Variants in WDR72 observed in about 807,000 individuals in gnomAD.
The protein encoded by WDR72 is WD repeat-containing protein 72.
A neutral mutation model predicts 124.2 loss-of-function variants in WDR72; 120 were observed. The ratio of observed to expected loss-of-function variants is 0.97; its 90% CI spans 0.83 to 1.12. The LOEUF (loss-of-function observed/expected upper bound fraction) is 1.12. Among genes scored for constraint, WDR72 ranks in the 50% most tolerant of loss-of-function variants. The pLI is 0.00. For missense variants in WDR72, 1,387 were observed against 1,278.8 expected, an observed-to-expected ratio of 1.08 and a Z score of -1.29; for synonymous variants, 452 against 441.7, an observed-to-expected ratio of 1.02 and a Z score of -0.29.
chr15:53,665,013 T>C (rs1366863675), intron 14 of WDR72, among the ~76,000 whole-genome samples: 1 of 152,154 alleles, frequency 6.6e-6, no homozygotes, highest in Non-Finnish European at 1.5e-5. Context: ...TACTATATCA[T>C]ATTTAGAAGT....
At chr15:53,533,375 C>T (rs1037376734) in intron 18 of WDR72, among the ~76,000 whole-genome samples, 1 of 50,346 alleles carries the variant, frequency 2.0e-5, no homozygotes, top group African/African-American at 4.0e-5. Flanking sequence ...ATTCCTTCAA[C>T]CCATTAAGAT....
intron 18 of WDR72, among the ~76,000 whole-genome samples, chr15:53,596,188 T>A (rs2140338198): frequency 6.6e-6 from 1 of 152,284 alleles, no homozygotes; most frequent in South Asian, 2.1e-4. Flanking sequence ...TTTAACCACC[T>A]GTAATATGTA....
chr15:53,556,384 T>C (rs1566958942), intron 18 of WDR72, among the ~76,000 whole-genome samples: 1 of 152,128 alleles, frequency 6.6e-6, no homozygotes, highest in Non-Finnish European at 1.5e-5. Flanking sequence ...AGTCACTTTT[T>C]CCCTAATCTA....
intron 1 of WDR72, among the ~76,000 whole-genome samples, chr15:53,755,057 G>T (rs1219049365): frequency 6.6e-6 from 1 of 152,132 alleles, no homozygotes; most frequent in Non-Finnish European, 1.5e-5. Context: ...GAAAATAGGA[G>T]CTACTCAGAA....
intron 17 of WDR72, among the ~76,000 whole-genome samples, chr15:53,607,734 G>A (rs546477893): frequency 6.6e-6 from 1 of 152,154 alleles, no homozygotes; most frequent in East Asian, 1.9e-4. Context: ...CACAGAATGA[G>A]AGAAAATATT....
At chr15:53,584,747 C>A (rs1270078344) in intron 18 of WDR72, among the ~76,000 whole-genome samples, 1 of 151,906 alleles carries the variant, frequency 6.6e-6, no homozygotes, top group Non-Finnish European at 1.5e-5. Flanking sequence ...CTTGGAGTAT[C>A]CCCATTCCCA....
At chr15:53,744,342 C>T (rs368348577) in intron 1 of WDR72, among the ~76,000 whole-genome samples, 2 of 152,148 alleles carry the variant, frequency 1.3e-5, no homozygotes, top group African/African-American at 4.8e-5. Flanking sequence ...AATTTAAAGC[C>T]GTAGAGGGCT....
At chr15:53,609,725 C>G in intron 16 of WDR72, 133 bp from the exon 17 acceptor site, 2 of 745,318 alleles carry the variant, frequency 2.7e-6, no homozygotes, top group Non-Finnish European at 4.7e-6. Flanking sequence ...TTCAATCTTC[C>G]AGAGATTTTT....
intron 14 of WDR72, among the ~76,000 whole-genome samples, chr15:53,638,115 T>C (rs1403761466): frequency 2.6e-5 from 4 of 152,106 alleles, no homozygotes; most frequent in African/African-American, 7.2e-5. Context: ...AGGAATGAGG[T>C]GAACAAACAT....
rs34367324 is a variant in WDR72 at position 53,726,264 on chromosome 15, G to GTATATATATATATATATATA, written c.154-3376_154-3357dup. 2.9e-3 allele frequency among the ~76,000 whole-genome samples: 321 copies of GTATATATATATATATATATA among 110,312 alleles called. 5 individuals are homozygous for GTATATATATATATATATATA. Among genetic ancestry groups the GTATATATATATATATATATA allele is most frequent in the African/African-American group, 0.014 (309 of 21,932 alleles). The allele number at this position is 110,312 out of a possible 152,430, so 72.4% of individuals were successfully genotyped here. ...TGTGTGTATATATATATGTATGTGT[G>GTATATATATATATATATATA]TATATATATATATATATATATACAC... is the stretch of plus-strand genomic sequence containing the variant. On this transcript the variant is annotated intron_variant, in intron 2 of 19. Coordinates refer to ENST00000360509, the MANE Select transcript of WDR72 (RefSeq NM_182758.4).
intron 3 of WDR72, 108 bp from the exon 4 acceptor site, chr15:53,716,793 T>A (rs1295947257): frequency 1.2e-5 from 7 of 596,928 alleles, no homozygotes; most frequent in Non-Finnish European, 2.2e-5. Context: ...TTATGTGGCT[T>A]TTTGTTACAG....
Position 53,705,016 on chromosome 15 carries a change from T to C in WDR72, c.1320A>G (p.Arg440=), listed in dbSNP as rs781179397. The C allele has an allele frequency of 1.9e-6, 3 of 1,614,042 alleles. No individual in the cohort carries two copies. The highest frequency in any genetic ancestry group is 2.5e-6 in the Non-Finnish European group (3 of 1,180,020). ...TTACTAAAGAACCACCTTCCAGAAG[T>C]CTTGCTTTGGCAGCATTCAAAGCCT... The part of the protein sequence containing the change: ...ITQALNAAKA[R]LLEGGSLVKD... The change falls in exon 11 of 20, where the codon AGA becomes AGG. Residue 440 remains arginine, a synonymous_variant. Coordinates refer to ENST00000360509, the MANE Select transcript of WDR72 (RefSeq NM_182758.4).
At chr15:53,590,918 G>A (rs2012460389) in intron 18 of WDR72, among the ~76,000 whole-genome samples, 1 of 152,068 alleles carries the variant, frequency 6.6e-6, no homozygotes, top group African/African-American at 2.4e-5. Flanking sequence ...GAGATTAAAA[G>A]AGAACACTAG....
intron 13 of WDR72, among the ~76,000 whole-genome samples, chr15:53,667,252 G>A (rs901124141): frequency 6.6e-6 from 1 of 152,072 alleles, no homozygotes; most frequent in Non-Finnish European, 1.5e-5. Context: ...ACTAGGTAGG[G>A]CTAAGGCAGG....
intron 1 of WDR72, among the ~76,000 whole-genome samples, 200 bp from the exon 2 acceptor site, chr15:53,733,361 CAA>C (rs1463379928): frequency 2.0e-5 from 3 of 152,168 alleles, no homozygotes; most frequent in African/African-American, 7.2e-5. Flanking sequence ...GCTAATTCAT[CAA>C]ACAAGAATGA....
intron 3 of WDR72, among the ~76,000 whole-genome samples, chr15:53,721,976 C>G (rs1254526503): frequency 6.6e-6 from 1 of 152,014 alleles, no homozygotes; most frequent in Admixed American, 6.6e-5. Flanking sequence ...CTCTCTGCCA[C>G]CATTCTACTG....
chr15:53,709,120 C>T (rs2017464105), intron 9 of WDR72, among the ~76,000 whole-genome samples: 1 of 152,192 alleles, frequency 6.6e-6, no homozygotes, highest in Non-Finnish European at 1.5e-5. Flanking sequence ...TCAAATTCAT[C>T]TCTTCATCCT....
chr15:53,570,779 C>T (rs983636769), intron 18 of WDR72, among the ~76,000 whole-genome samples: 2 of 152,104 alleles, frequency 1.3e-5, no homozygotes, highest in African/African-American at 4.8e-5. Flanking sequence ...GACACCTGCA[C>T]TCATGTTTAT....
upstream of WDR72, among the ~76,000 whole-genome samples, chr15:53,761,402 A>C (rs542876350): frequency 9.2e-5 from 14 of 152,230 alleles, no homozygotes; most frequent in Non-Finnish European, 1.2e-4. Context: ...TATGGAGAAC[A>C]GTTTGAAGCT....
Sources: allele counts gnomAD v4.1 joint callset (sites outside exome capture counted in the v4.1 genomes callset), GRCh38; gene constraint gnomAD v4.1.1; transcripts MANE v1.5; gene names NCBI Gene and HGNC (gene_info 2026-07-23, HGNC 2026-07-21).